Variants in EHD2 observed in about 807,000 individuals in gnomAD.
The protein encoded by EHD2 is EH domain containing 2.
In EHD2, 27 loss-of-function variants were observed where a neutral mutation model predicts 41.0. That is an observed-to-expected ratio of 0.66 (90% CI 0.49 to 0.91). EHD2 has a LOEUF of 0.91. EHD2 is among the 40% of genes least tolerant of loss of function. The pLI is 0.00. For missense variants in EHD2, 673 were observed against 773.9 expected, an observed-to-expected ratio of 0.87 and a Z score of 1.55; for synonymous variants, 342 against 341.0, an observed-to-expected ratio of 1.00 and a Z score of -0.03.
At position 47,726,195 on chromosome 19, in the gene EHD2, G is replaced by C. The variant is rs1215420426; in HGVS notation, c.886G>C (p.Asp296His). 6 of 1,548,854 alleles carry C rather than the reference G, an allele frequency of 3.9e-6. No individual in the cohort carries two copies. Among genetic ancestry groups the C allele is most frequent in the Non-Finnish European group, 5.2e-6 (6 of 1,147,794 alleles). The change falls in exon 4 of 6, where the codon GAC becomes CAC. Residue 296 changes from aspartate to histidine, a missense_variant. Coordinates refer to ENST00000263277, the MANE Select transcript of EHD2 (RefSeq NM_014601.4). Reference protein sequence around the residue: ...PRHAALRKLNDLVKRARLVRV... With the variant: ...PRHAALRKLNHLVKRARLVRV... ...GCACGCAGCCTTGCGCAAGCTCAAC[G>C]ACCTGGTGAAGAGGGCCCGGCTGGT...
At chr19:47,726,917 A>G (rs1326617869) in intron 4 of EHD2, among the ~76,000 whole-genome samples, 3 of 151,980 alleles carry the variant, frequency 2.0e-5, no homozygotes, top group African/African-American at 7.2e-5. Flanking sequence ...CCCTCAAGTG[A>G]TCCTCCCCTT....
At chr19:47,731,195 G>A (rs1259332247) in intron 4 of EHD2, 2 of 147,222 alleles carry the variant, frequency 1.4e-5, no homozygotes, top group South Asian at 2.2e-4. Context: ...GGTGGTGGAA[G>A]GTGGAAGAGA....
At chr19:47,717,957 A>G (rs1420720020) in intron 2 of EHD2, among the ~76,000 whole-genome samples, 1 of 146,608 alleles carries the variant, frequency 6.8e-6, no homozygotes, top group Non-Finnish European at 1.5e-5. Flanking sequence ...TCTCTATGCC[A>G]TGGTTGCTGT....
At chr19:47,714,056 G>A (rs757819443) in intron 1 of EHD2, among the ~76,000 whole-genome samples, 4 of 151,862 alleles carry the variant, frequency 2.6e-5, no homozygotes, top group African/African-American at 4.8e-5. Flanking sequence ...ACTCCTTTAC[G>A]AACTCCTTTT....
chr19:47,716,070 T>A, intron 1 of EHD2, among the ~76,000 whole-genome samples: 1 of 87,464 alleles, frequency 1.1e-5, no homozygotes, highest in East Asian at 2.7e-4. Context: ...TGCCTGGCCT[T>A]TTTTTTTTTT....
chr19:47,739,903 GC>G (rs2123661172), intron 5 of EHD2, among the ~76,000 whole-genome samples: 1 of 152,246 alleles, frequency 6.6e-6, no homozygotes. Context: ...CTGGCAAAGG[GC>G]CGCTGCTCTC....
chr19:47,738,285 G>T (rs1599903785), intron 5 of EHD2, among the ~76,000 whole-genome samples: 3 of 152,176 alleles, frequency 2.0e-5, no homozygotes, highest in East Asian at 3.9e-4. Flanking sequence ...ACATTCAAAT[G>T]GAATGTTAAC....
chr19:47,718,681 A>G (rs375004421), intron 3 of EHD2, 75 bp downstream of exon 3: 18,236 of 1,037,108 alleles, frequency 0.018, 130 homozygotes, highest in African/African-American at 0.062. Context: ...GGGAGGAGGG[A>G]CTGGGCCCGG....
intron 4 of EHD2, among the ~76,000 whole-genome samples, chr19:47,736,124 A>G (rs1966919452): frequency 6.6e-6 from 1 of 152,148 alleles, no homozygotes; most frequent in Admixed American, 6.6e-5. Context: ...TGAAGCCGGG[A>G]GGCGGAGGTT....
intron 5 of EHD2, 21 bp downstream of exon 5, chr19:47,736,554 G>A (rs1476832722): frequency 6.4e-7 from 1 of 1,565,728 alleles, no homozygotes; most frequent in South Asian, 1.2e-5. Flanking sequence ...GCCCAGGAGG[G>A]AATGTTGGGG....
rs1414600872 is a variant in EHD2 at position 47,719,278 on chromosome 19, G to A, written c.502+672G>A. On this transcript the variant is annotated intron_variant, in intron 3 of 5. Coordinates refer to ENST00000263277, the MANE Select transcript of EHD2 (RefSeq NM_014601.4). The surrounding 1 kb of genome is among the most constrained non-coding windows in gnomAD (Gnocchi z 4.1). ...TGGAGATGAGGCAGAGCCTGGGCAG[G>A]GGAGGCAGAGCCCGGGCAGGGGAGG... Among the ~76,000 whole-genome samples the A allele has an allele frequency of 6.6e-6, 1 of 152,076 alleles. No individual in the cohort carries two copies. The highest frequency in any genetic ancestry group is 1.9e-4 in the East Asian group (1 of 5,172).
intron 5 of EHD2, among the ~76,000 whole-genome samples, chr19:47,738,311 C>CA (rs748782314): frequency 1.0e-3 from 158 of 150,892 alleles, no homozygotes; most frequent in Non-Finnish European, 1.8e-3. Flanking sequence ...TTTCTTTTTT[C>CA]TTTTTTTTTG....
At chr19:47,739,370 G>A (rs1294566010) in intron 5 of EHD2, among the ~76,000 whole-genome samples, 1 of 148,886 alleles carries the variant, frequency 6.7e-6, no homozygotes, top group Non-Finnish European at 1.5e-5. Context: ...GGAGGCCGAG[G>A]TGGGCAGATT....
chr19:47,741,030 G>A lies in EHD2; in HGVS notation c.1230G>A (p.Gln410=), dbSNP rs753444419. 7.5e-6 allele frequency: 12 copies of A among 1,609,782 alleles called. No individual in the cohort carries two copies. In the South Asian group the frequency reaches 1.3e-4, roughly 18 times the overall value. The change falls in exon 6 of 6, where the codon CAG becomes CAA. Residue 410 remains glutamine (Q), a synonymous_variant. Coordinates refer to ENST00000263277, the MANE Select transcript of EHD2 (RefSeq NM_014601.4). The surrounding 1 kb of genome is among the most constrained non-coding windows in gnomAD (Gnocchi z 4.5). ...TGGAGAGCACCGAGGTGGGCGTGCA[G>A]GGGGGCGCTTTTGAGGGCACCCACA... ...EELESTEVGV[Q]GGAFEGTHMG... is the part of the protein sequence containing the mutation.
Position 47,741,659 on chromosome 19 carries a change from C to G in EHD2, c.*227C>G. ...CTTCACACCTCCAGCCTCACGTTCA[C>G]TTAGGCACATCACACACACACTGGC... On this transcript the variant is annotated 3_prime_UTR_variant, in exon 6 of 6. Transcript: ENST00000263277. The surrounding 1 kb of genome is among the most constrained non-coding windows in gnomAD (Gnocchi z 4.5). 1 of 626,902 alleles carries G rather than the reference C, an allele frequency of 1.6e-6. No homozygotes were observed. Among genetic ancestry groups the G allele is most frequent in the Non-Finnish European group, 2.8e-6 (1 of 353,842 alleles). 38.8% of individuals were successfully genotyped at this position (626,902 alleles called of 1,614,324 possible). A position where few individuals can be genotyped will look rare whatever the true frequency, so the allele number is the denominator to read the frequency against.
At chr19:47,737,876 C>CTTTTTT (rs1226699986) in intron 5 of EHD2, among the ~76,000 whole-genome samples, 1 of 100,054 alleles carries the variant, frequency 1.0e-5, no homozygotes, top group Admixed American at 1.1e-4. Context: ...GCCTGGCTAG[C>CTTTTTT]TTTTTTTTTT....
intron 4 of EHD2, chr19:47,733,240 CT>C (rs758372235): frequency 0.092 from 13,179 of 143,848 alleles, 734 homozygotes; most frequent in Non-Finnish European, 0.13. Flanking sequence ...TCTGGGGCTC[CT>C]TTTTTTTTTT....
Position 47,741,586 on chromosome 19 carries a change from G to C in EHD2, c.*154G>C. 1 of 882,152 alleles carries C rather than the reference G, an allele frequency of 1.1e-6. No individual in the cohort carries two copies. The allele number at this position is 882,152 out of a possible 1,614,324, so 54.6% of individuals were successfully genotyped here. A position where few individuals can be genotyped will look rare whatever the true frequency, so the allele number is the denominator to read the frequency against. On this transcript the variant is annotated 3_prime_UTR_variant, in exon 6 of 6. Coordinates refer to ENST00000263277, the MANE Select transcript of EHD2 (RefSeq NM_014601.4). The surrounding 1 kb of genome is among the most constrained non-coding windows in gnomAD (Gnocchi z 4.5). The stretch of plus-strand genomic sequence containing the variant: ...CTCACTACCGCCAGACACCCCGGTG[G>C]AAGCATTTAGAGGGGACCACGGGAG...
chr19:47,713,674 A>ACC, intron 1 of EHD2, 136 bp downstream of exon 1: 1 of 142,476 alleles, frequency 7.0e-6, no homozygotes. Flanking sequence ...CCCAGTCTTC[A>ACC]CCAGTCCCCC....
Sources: gnomAD v4.1 joint callset for allele counts (sites outside exome capture counted in the v4.1 genomes callset) on GRCh38, gnomAD v4.1.1 for gene constraint, Gnocchi (gnomAD v3.1) non-coding constraint, MANE v1.5 for transcripts, NCBI Gene and HGNC (gene_info 2026-07-23, HGNC 2026-07-21) for gene names.